Variants in ZNF407 observed in about 807,000 individuals in gnomAD.
ZNF407 encodes zinc finger protein 407.
ZNF407 carries 17 observed loss-of-function variants against 131.2 expected under a neutral mutation model. The ratio of observed to expected loss-of-function variants is 0.13; its 90% CI spans 0.09 to 0.19. The LOEUF (loss-of-function observed/expected upper bound fraction) is 0.19, where lower values mean the gene tolerates loss of function less well. Ranked by LOEUF, ZNF407 falls within the 10% of genes least tolerant of loss-of-function variation. ZNF407 has a pLI of 1.00. For synonymous variants in ZNF407, 1,156 were observed against 1,062.0 expected (o/e 1.09, Z -1.72); for missense variants, 2,681 against 2,830.6 (o/e 0.95, Z 1.20).
intron 4 of ZNF407, among the ~76,000 whole-genome samples, chr18:74,822,623 T>G (rs1970356424): frequency 2.6e-5 from 4 of 152,206 alleles, no homozygotes; most frequent in Admixed American, 2.0e-4. Flanking sequence ...CATTGGTCTA[T>G]ATCTCTGTTT....
intron 7 of ZNF407, among the ~76,000 whole-genome samples, chr18:74,900,807 T>A (rs1055714553): frequency 3.9e-5 from 6 of 152,252 alleles, no homozygotes; most frequent in African/African-American, 1.4e-4. Context: ...CAAGTAGTTA[T>A]GAACATCATG....
intron 4 of ZNF407, among the ~76,000 whole-genome samples, chr18:74,786,815 TTTTTTTG>T (rs1969726094): frequency 7.1e-6 from 1 of 140,230 alleles, no homozygotes; most frequent in African/African-American, 2.7e-5. Context: ...TTTTTTTTTT[TTTTTTTG>T]GAGATGGAGT....
At chr18:74,874,323 A>G (rs1404125894) in intron 4 of ZNF407, among the ~76,000 whole-genome samples, 1 of 152,254 alleles carries the variant, frequency 6.6e-6, no homozygotes, top group Non-Finnish European at 1.5e-5. Context: ...AATCTTCACT[A>G]GTGAATTTTT....
chr18:75,017,598 A>G (rs919148524), intron 8 of ZNF407, among the ~76,000 whole-genome samples: 1 of 152,164 alleles, frequency 6.6e-6, no homozygotes, highest in Non-Finnish European at 1.5e-5. Flanking sequence ...ATAACACTTC[A>G]TTTTTGAAGA....
intron 3 of ZNF407, among the ~76,000 whole-genome samples, chr18:74,676,231 A>C (rs1171342599): frequency 6.6e-6 from 1 of 151,660 alleles, no homozygotes; most frequent in Admixed American, 6.6e-5. Flanking sequence ...AGCTGGGATT[A>C]CAGATGCATG....
intron 3 of ZNF407, among the ~76,000 whole-genome samples, chr18:74,718,984 A>G (rs1967961994): frequency 1.3e-5 from 2 of 152,128 alleles, no homozygotes; most frequent in African/African-American, 4.8e-5. Flanking sequence ...ATTGCATAGA[A>G]TGTCTTTTTG....
intron 3 of ZNF407, among the ~76,000 whole-genome samples, chr18:74,744,009 T>C (rs1968610594): frequency 6.6e-6 from 1 of 152,230 alleles, no homozygotes; most frequent in Non-Finnish European, 1.5e-5. Context: ...AAGACATTCA[T>C]TGTTCTCATG....
intron 3 of ZNF407, among the ~76,000 whole-genome samples, chr18:74,726,724 T>C (rs1568184909): frequency 1.3e-5 from 2 of 152,202 alleles, no homozygotes; most frequent in Non-Finnish European, 2.9e-5. Context: ...TTATGAATCA[T>C]AGGTTACTAA....
At chr18:74,867,062 A>T (rs1224385315) in intron 4 of ZNF407, among the ~76,000 whole-genome samples, 1 of 151,504 alleles carries the variant, frequency 6.6e-6, no homozygotes, top group Non-Finnish European at 1.5e-5. Flanking sequence ...CACATTACAG[A>T]TTAACAATAA....
intron 8 of ZNF407, among the ~76,000 whole-genome samples, chr18:75,058,821 T>C (rs924684312): frequency 1.3e-5 from 2 of 152,202 alleles, no homozygotes; most frequent in African/African-American, 4.8e-5. Flanking sequence ...ATAGAAGAGA[T>C]TCACATTCGT....
intron 8 of ZNF407, among the ~76,000 whole-genome samples, chr18:75,037,225 A>G (rs1333974315): frequency 2.6e-5 from 4 of 152,340 alleles, no homozygotes; most frequent in Admixed American, 6.5e-5. Context: ...TGCCTCATTT[A>G]GGTAAATAGA....
rs568470632 is a variant in ZNF407 at position 74,945,736 on chromosome 18, G to A, written c.5428+25044G>A. 3.9e-5 allele frequency among the ~76,000 whole-genome samples: 6 copies of A among 152,182 alleles called. No homozygotes were observed. In the East Asian group the frequency reaches 1.2e-3, roughly 29 times the overall value. On this transcript the variant is annotated intron_variant, in intron 8 of 8. Transcript: ENST00000299687. The stretch of plus-strand genomic sequence containing the variant: ...ACATCTGCTTTCTTTATCTTTAACA[G>A]GTTTGTCCTTATTTTTTTCTTTTCT...
At chr18:74,808,017 ATT>A (rs533637217) in intron 4 of ZNF407, among the ~76,000 whole-genome samples, 3 of 144,384 alleles carry the variant, frequency 2.1e-5, no homozygotes, top group African/African-American at 2.5e-5. Context: ...AGCACCTCAC[ATT>A]TTTTTTTTTT....
intron 4 of ZNF407, among the ~76,000 whole-genome samples, chr18:74,812,816 C>T (rs1017645832): frequency 2.0e-5 from 3 of 151,952 alleles, no homozygotes; most frequent in Admixed American, 6.6e-5. Context: ...TTTTTAATGA[C>T]TTTGTCTTAG....
intron 4 of ZNF407, chr18:74,804,008 A>G (rs1970067420): frequency 6.4e-7 from 1 of 1,551,724 alleles, no homozygotes; most frequent in Non-Finnish European, 8.7e-7. Context: ...CCAGGAATAC[A>G]GAACAACAGG....
intron 8 of ZNF407, among the ~76,000 whole-genome samples, chr18:74,981,822 A>G (rs1476613279): frequency 6.6e-6 from 1 of 152,260 alleles, no homozygotes; most frequent in African/African-American, 2.4e-5. Flanking sequence ...TATAAAAACT[A>G]TAAACATATG....
intron 3 of ZNF407, among the ~76,000 whole-genome samples, chr18:74,739,292 C>T (rs1410371710): frequency 6.6e-6 from 1 of 151,766 alleles, no homozygotes; most frequent in African/African-American, 2.4e-5. Context: ...TCCTCTCCCA[C>T]AGAAGCCACT....
At chr18:74,891,820 C>T (rs1265617234) in intron 7 of ZNF407, among the ~76,000 whole-genome samples, 1 of 152,096 alleles carries the variant, frequency 6.6e-6, no homozygotes, top group Non-Finnish European at 1.5e-5. Context: ...TCACCCTTAC[C>T]TCTTAGGATT....
Position 74,633,177 on chromosome 18 carries a change from C to T in ZNF407, c.2158C>T (p.Leu720Phe), listed in dbSNP as rs199577995. ...TTATAAAACAAGATCTTCTACTGTT[C>T]TCACGAGACATATAAAGCTTCGGCA... is the stretch of plus-strand genomic sequence containing the variant. ...CFYKTRSSTV[L>F]TRHIKLRHGQ... Residue 720 changes from leucine (L) to phenylalanine (F), a missense_variant, in exon 2 of 9, where the codon CTC (leucine) becomes TTC (phenylalanine). Leu to Phe is a conservative substitution (Grantham distance 22). Transcript: ENST00000299687. 1.0e-4 allele frequency: 167 copies of T among 1,613,474 alleles called. No individual in the cohort carries two copies. Among genetic ancestry groups the T allele is most frequent in the Admixed American group, 5.0e-5 (3 of 59,922 alleles).
Sources: gnomAD v4.1 joint callset for allele counts (sites outside exome capture counted in the v4.1 genomes callset) on GRCh38, gnomAD v4.1.1 for gene constraint, MANE v1.5 for transcripts, NCBI Gene and HGNC (gene_info 2026-07-23, HGNC 2026-07-21) for gene names.